Variants in ACOXL observed in about 807,000 individuals in gnomAD.
ACOXL encodes the protein acyl-coenzyme A oxidase-like protein.
In ACOXL, 70 loss-of-function variants were observed where a neutral mutation model predicts 71.9. The ratio of observed to expected loss-of-function variants is 0.97; its 90% CI spans 0.80 to 1.19. The LOEUF is 1.19. Among genes scored for constraint, ACOXL ranks in the 50% most tolerant of loss-of-function variants. The pLI is 0.00. For synonymous variants in ACOXL, 253 were observed against 281.6 expected, an observed-to-expected ratio of 0.90 and a Z score of 1.02; for missense variants, 703 against 736.3, an observed-to-expected ratio of 0.95 and a Z score of 0.52.
chr2:110,844,664 C>T (rs1233600697), intron 10 of ACOXL, among the ~76,000 whole-genome samples: 3 of 151,698 alleles, frequency 2.0e-5, no homozygotes, highest in African/African-American at 7.3e-5. Flanking sequence ...TCTCATACCT[C>T]AGCCTCCCGA....
intron 3 of ACOXL, among the ~76,000 whole-genome samples, chr2:110,793,288 C>A (rs527505993): frequency 1.8e-4 from 27 of 152,252 alleles, no homozygotes; most frequent in Admixed American, 7.8e-4. Context: ...GGGTCAGCAT[C>A]GAGGGTCATT....
chr2:110,822,354 C>T (rs1167203969), intron 9 of ACOXL, among the ~76,000 whole-genome samples: 2 of 152,124 alleles, frequency 1.3e-5, no homozygotes, highest in East Asian at 3.9e-4. Context: ...TAGCCTACTC[C>T]AACAGTGAGA....
chr2:110,934,244 C>T (rs933891633), intron 12 of ACOXL, among the ~76,000 whole-genome samples: 1 of 152,202 alleles, frequency 6.6e-6, no homozygotes, highest in African/African-American at 2.4e-5. Context: ...GGGTCCAGAG[C>T]CCATGACAAA....
At chr2:111,027,447 G>T (rs928625264) in intron 14 of ACOXL, among the ~76,000 whole-genome samples, 1 of 151,406 alleles carries the variant, frequency 6.6e-6, no homozygotes, top group Admixed American at 6.6e-5. Context: ...TCAGCCTCCC[G>T]GGTAGCTGGG....
chr2:111,037,756 C>T (rs1224157362), intron 15 of ACOXL, among the ~76,000 whole-genome samples: 1 of 152,110 alleles, frequency 6.6e-6, no homozygotes, highest in Non-Finnish European at 1.5e-5. Context: ...TGACTTTGCC[C>T]CGGGGCCAGT....
intron 14 of ACOXL, among the ~76,000 whole-genome samples, chr2:111,026,161 A>G (rs1441195614): frequency 3.9e-5 from 6 of 152,172 alleles, no homozygotes; most frequent in Non-Finnish European, 5.9e-5. Context: ...TGCGTTTACT[A>G]TAGCTTTATA....
chr2:110,902,332 T>G (rs2059272307), intron 10 of ACOXL, among the ~76,000 whole-genome samples: 1 of 152,042 alleles, frequency 6.6e-6, no homozygotes, highest in Non-Finnish European at 1.5e-5. Context: ...TAGTCAGGCG[T>G]GGTGGTGCAG....
At chr2:110,981,160 C>T (rs965450679) in intron 12 of ACOXL, among the ~76,000 whole-genome samples, 6 of 152,222 alleles carry the variant, frequency 3.9e-5, no homozygotes, top group African/African-American at 7.2e-5. Flanking sequence ...GTCAGGAGTT[C>T]GAGACCAGCC....
At chr2:110,968,785 A>AAAAAC (rs2062047606) in intron 12 of ACOXL, 1 of 447,190 alleles carries the variant, frequency 2.2e-6, no homozygotes, top group African/African-American at 2.0e-5. Context: ...CAGCAAAAAA[A>AAAAAC]AAAAAAAAGA....
At chr2:110,925,039 A>G (rs2060220506) in intron 11 of ACOXL, among the ~76,000 whole-genome samples, 2 of 152,170 alleles carry the variant, frequency 1.3e-5, no homozygotes, top group Non-Finnish European at 2.9e-5. Flanking sequence ...TGCATTGTCA[A>G]TGAGCAGTAA....
intron 12 of ACOXL, among the ~76,000 whole-genome samples, chr2:110,958,970 C>T (rs1472103914): frequency 6.6e-6 from 1 of 152,220 alleles, no homozygotes; most frequent in African/African-American, 2.4e-5. Flanking sequence ...GATTCAGATA[C>T]CTTGTCCTGA....
intron 16 of ACOXL, among the ~76,000 whole-genome samples, chr2:111,051,675 G>A (rs2066294440): frequency 6.6e-6 from 1 of 152,080 alleles, no homozygotes; most frequent in Non-Finnish European, 1.5e-5. Flanking sequence ...TCACCATATT[G>A]GTCAGGCTGG....
intron 10 of ACOXL, among the ~76,000 whole-genome samples, chr2:110,873,760 G>T (rs1040647433): frequency 1.3e-5 from 2 of 152,214 alleles, no homozygotes; most frequent in Non-Finnish European, 2.9e-5. Context: ...GCCTCCCAGA[G>T]TGTATCTGTT....
At chr2:110,999,113 A>G (rs1037271805) in intron 14 of ACOXL, among the ~76,000 whole-genome samples, 1 of 152,162 alleles carries the variant, frequency 6.6e-6, no homozygotes, top group African/African-American at 2.4e-5. Flanking sequence ...ATTTTCTCAC[A>G]GTTCTGGGGG....
intron 10 of ACOXL, among the ~76,000 whole-genome samples, chr2:110,843,438 C>T (rs527792662): frequency 2.1e-4 from 32 of 152,286 alleles, no homozygotes. Flanking sequence ...TAACATGGGT[C>T]TCTCAGAACA....
intron 16 of ACOXL, among the ~76,000 whole-genome samples, chr2:111,064,947 G>T (rs903586896): frequency 1.3e-5 from 2 of 152,152 alleles, no homozygotes; most frequent in Non-Finnish European, 2.9e-5. Context: ...TCGAATACAG[G>T]TTTAACCTAA....
intron 16 of ACOXL, among the ~76,000 whole-genome samples, chr2:111,084,024 A>AG (rs1400837054): frequency 6.6e-6 from 1 of 151,340 alleles, no homozygotes; most frequent in East Asian, 1.9e-4. Flanking sequence ...CAATACTTCC[A>AG]GAAAAAAAAA....
intron 1 of ACOXL, among the ~76,000 whole-genome samples, chr2:110,749,354 A>G (rs1455944635): frequency 6.6e-6 from 1 of 152,248 alleles, no homozygotes; most frequent in Non-Finnish European, 1.5e-5. Context: ...TACAAAGCAT[A>G]GTACAGAGAT....
At chr2:110,915,428 A>ATATATTTTTT (rs1315085098) in intron 11 of ACOXL, among the ~76,000 whole-genome samples, 4 of 108,002 alleles carry the variant, frequency 3.7e-5, no homozygotes, top group African/African-American at 1.4e-4. Flanking sequence ...ATATATATAT[A>ATATATTTTTT]TTTTTTTTTT....
Sources: gnomAD v4.1 joint callset for allele counts (sites outside exome capture counted in the v4.1 genomes callset) on GRCh38, gnomAD v4.1.1 for gene constraint, MANE v1.5 for transcripts, NCBI Gene and HGNC (gene_info 2026-07-23, HGNC 2026-07-21) for gene names.